Variants in COG5 observed in about 807,000 individuals in gnomAD.
The protein encoded by COG5 is conserved oligomeric Golgi complex subunit 5.
A neutral mutation model predicts 110.4 loss-of-function variants in COG5; 86 were observed. That is an observed-to-expected ratio of 0.78 (90% CI 0.65 to 0.93). The LOEUF (loss-of-function observed/expected upper bound fraction) is 0.93, where lower values mean the gene tolerates loss of function less well. Ranked by LOEUF, COG5 falls within the 40% of genes least tolerant of loss-of-function variation. The pLI is 0.00. For synonymous variants in COG5, 360 were observed against 334.6 expected, an observed-to-expected ratio of 1.08 and a Z score of -0.83; for missense variants, 1,077 against 987.0, an observed-to-expected ratio of 1.09 and a Z score of -1.22.
chr7:107,542,451 A>G (rs1802106079), intron 5 of COG5, among the ~76,000 whole-genome samples: 1 of 152,220 alleles, frequency 6.6e-6, no homozygotes, highest in Non-Finnish European at 1.5e-5. Flanking sequence ...ATTTGGTAAA[A>G]TAGTTTGGCA....
At chr7:107,456,248 TAAAAGA>T (rs774369477) in intron 6 of COG5, among the ~76,000 whole-genome samples, 3 of 152,040 alleles carry the variant, frequency 2.0e-5, no homozygotes, top group Non-Finnish European at 4.4e-5. Flanking sequence ...AAGATACCAG[TAAAAGA>T]AATGCCTCAA....
chr7:107,204,035 A>G (rs1377458513), intron 21 of COG5, among the ~76,000 whole-genome samples: 1 of 152,210 alleles, frequency 6.6e-6, no homozygotes, highest in East Asian at 1.9e-4. Flanking sequence ...CAAGAGTACA[A>G]GGGGATGGGG....
At position 107,202,224 on chromosome 7, in the gene COG5, A is replaced by G. The variant is rs1193708106; in HGVS notation, c.*1292T>C. On this transcript the variant is annotated 3_prime_UTR_variant, in exon 22 of 22. Coordinates refer to ENST00000297135, the MANE Select transcript of COG5 (RefSeq NM_006348.5). ...CTCCTCAGCCATGTATCTTAAATAT[A>G]TTTTGTCATCATAATCTTTATGGTG... 6.6e-6 allele frequency: 1 copy of G among 151,028 alleles called. No homozygotes were observed. Among genetic ancestry groups the G allele is most frequent in the Non-Finnish European group, 1.5e-5 (1 of 67,150 alleles). 9.4% of individuals were successfully genotyped at this position (151,028 alleles called of 1,614,324 possible).
intron 6 of COG5, among the ~76,000 whole-genome samples, chr7:107,444,865 C>G (rs114076196): frequency 0.015 from 2,259 of 152,222 alleles, 56 homozygotes; most frequent in African/African-American, 0.053. Flanking sequence ...CACACATACC[C>G]TCATAATTTC....
intron 10 of COG5, among the ~76,000 whole-genome samples, chr7:107,352,858 A>G (rs577269958): frequency 1.3e-5 from 2 of 152,336 alleles, no homozygotes; most frequent in African/African-American, 4.8e-5. Context: ...TCAAAGTATC[A>G]TATCTATAAT....
intron 11 of COG5, among the ~76,000 whole-genome samples, chr7:107,303,568 A>T (rs1807460244): frequency 6.6e-6 from 1 of 151,574 alleles, no homozygotes; most frequent in Admixed American, 6.6e-5. Flanking sequence ...GGGACCATAG[A>T]TATGCACCAC....
Position 107,248,513 on chromosome 7 carries a change from A to T in COG5, c.1750-14T>A. 6.5e-7 allele frequency: 1 copy of T among 1,526,840 alleles called. No individual in the cohort carries two copies. Among genetic ancestry groups the T allele is most frequent in the Non-Finnish European group, 9.0e-7 (1 of 1,108,972 alleles). The allele number at this position is 1,526,840 out of a possible 1,614,324, so 94.6% of individuals were successfully genotyped here. ...AGCATGAATAGCCTAAAAAAAAAAA[A>T]GAAAGAAAAAAAAGAAGAGGCAAGA... On this transcript the variant is annotated splice_polypyrimidine_tract_variant and intron_variant, in intron 16 of 21. Coordinates refer to ENST00000297135, the MANE Select transcript of COG5 (RefSeq NM_006348.5).
chr7:107,558,208 T>C, intron 1 of COG5, 93 bp from the exon 2 acceptor site: 1 of 1,346,110 alleles, frequency 7.4e-7, no homozygotes, highest in South Asian at 1.2e-5. Context: ...AATTAACATA[T>C]TTTGATCCCA....
intron 7 of COG5, among the ~76,000 whole-genome samples, chr7:107,374,104 GTA>G (rs1460353160): frequency 1.3e-5 from 2 of 152,038 alleles, no homozygotes; most frequent in African/African-American, 4.8e-5. Context: ...GCTTAATTTA[GTA>G]TGGTCATAAT....
intron 5 of COG5, among the ~76,000 whole-genome samples, chr7:107,530,370 G>A (rs139618505): frequency 0.01 from 1,524 of 152,254 alleles, 30 homozygotes; most frequent in African/African-American, 0.034. Context: ...GGGAGGCCAA[G>A]GCGGGCGGAT....
At chr7:107,329,021 A>T (rs1810015749) in intron 10 of COG5, among the ~76,000 whole-genome samples, 1 of 152,100 alleles carries the variant, frequency 6.6e-6, no homozygotes, top group African/African-American at 2.4e-5. Flanking sequence ...AGGCCTTTGG[A>T]CTGGGACTAC....
At chr7:107,556,330 T>C (rs1803315992) in intron 2 of COG5, among the ~76,000 whole-genome samples, 1 of 152,236 alleles carries the variant, frequency 6.6e-6, no homozygotes, top group African/African-American at 2.4e-5. Flanking sequence ...TAAACCCTAA[T>C]AGTAAATGTT....
chr7:107,236,330 T>G, intron 18 of COG5, 120 bp downstream of exon 18: 5 of 765,300 alleles, frequency 6.5e-6, no homozygotes, highest in Non-Finnish European at 4.6e-6. Context: ...TATGCTTAAG[T>G]GGGCTTACTT....
chr7:107,458,899 A>C (rs564087074), intron 6 of COG5, among the ~76,000 whole-genome samples: 9 of 151,600 alleles, frequency 5.9e-5, no homozygotes, highest in Non-Finnish European at 1.3e-4. Context: ...ATATATGTAC[A>C]TATGTTATAT....
chr7:107,338,963 A>C (rs974422915), intron 10 of COG5, among the ~76,000 whole-genome samples: 6 of 152,116 alleles, frequency 3.9e-5, no homozygotes, highest in South Asian at 2.1e-4. Context: ...AATCATCCAC[A>C]CAATAGAAAC....
chr7:107,560,025 T>C (rs1450730637), intron 1 of COG5, among the ~76,000 whole-genome samples: 1 of 152,202 alleles, frequency 6.6e-6, no homozygotes, highest in African/African-American at 2.4e-5. Context: ...TACAGAACAA[T>C]AATCCTGGCA....
chr7:107,416,120 C>T (rs1181087845), intron 6 of COG5, among the ~76,000 whole-genome samples: 1 of 151,088 alleles, frequency 6.6e-6, no homozygotes, highest in Admixed American at 6.6e-5. Context: ...ATGTGTATGC[C>T]CCATGACTAA....
intron 6 of COG5, among the ~76,000 whole-genome samples, chr7:107,513,213 CA>C (rs1799664477): frequency 6.6e-6 from 1 of 152,096 alleles, no homozygotes; most frequent in African/African-American, 2.4e-5. Flanking sequence ...AAAAAACAGA[CA>C]ACCCCATCAA....
chr7:107,428,411 C>A (rs991932794), intron 6 of COG5, among the ~76,000 whole-genome samples: 1 of 152,042 alleles, frequency 6.6e-6, no homozygotes, highest in African/African-American at 2.4e-5. Flanking sequence ...TGTAAAGCCA[C>A]AGAGACCTAG....
Sources: allele counts gnomAD v4.1 joint callset (sites outside exome capture counted in the v4.1 genomes callset), GRCh38; gene constraint gnomAD v4.1.1; transcripts MANE v1.5; gene names NCBI Gene and HGNC (gene_info 2026-07-23, HGNC 2026-07-21).